MGAT5: variants seen among roughly 807,000 people sequenced by gnomAD.
MGAT5 encodes alpha-1,6-mannosylglycoprotein 6-beta-N-acetylglucosaminyltransferase A.
In MGAT5, 30 loss-of-function variants were observed where a neutral mutation model predicts 94.3. The ratio of observed to expected loss-of-function variants is 0.32; its 90% CI spans 0.24 to 0.43. The LOEUF is 0.43. Among genes scored for constraint, MGAT5 ranks in the 20% least tolerant of loss-of-function variants. The probability of loss-of-function intolerance (pLI) is 1.00; values close to 1 mark genes in which losing one functional copy is unlikely to be tolerated. For synonymous variants in MGAT5, 310 were observed against 322.9 expected, an observed-to-expected ratio of 0.96 and a Z score of 0.43; for missense variants, 691 against 905.5, an observed-to-expected ratio of 0.76 and a Z score of 3.04.
chr2:134,123,154 C>A (rs1385488378), intron 1 of MGAT5, among the ~76,000 whole-genome samples: 1 of 152,148 alleles, frequency 6.6e-6, no homozygotes, highest in East Asian at 1.9e-4. Context: ...TTAAAATAAG[C>A]AACTTACCTT....
chr2:134,428,263 C>T (rs1684695832), intron 13 of MGAT5, 102 bp from the exon 14 acceptor site: 1 of 1,055,478 alleles, frequency 9.5e-7, no homozygotes, highest in African/African-American at 1.6e-5. Flanking sequence ...ATGAGGCCGA[C>T]TCCTGGTGTT....
At chr2:134,304,756 G>GT (rs1686229659) in intron 2 of MGAT5, among the ~76,000 whole-genome samples, 1 of 152,130 alleles carries the variant, frequency 6.6e-6, no homozygotes, top group African/African-American at 2.4e-5. Context: ...CTGATTTTTT[G>GT]TTTTTTAACA....
chr2:134,415,202 A>G (rs1683898515), intron 12 of MGAT5, among the ~76,000 whole-genome samples: 1 of 152,072 alleles, frequency 6.6e-6, no homozygotes, highest in Admixed American at 6.5e-5. Flanking sequence ...TTTCTTTTTC[A>G]TTTATGGCTG....
chr2:134,384,340 T>C (rs1681833407), intron 10 of MGAT5, among the ~76,000 whole-genome samples: 1 of 152,110 alleles, frequency 6.6e-6, no homozygotes, highest in Admixed American at 6.5e-5. Context: ...CTGTCCACTA[T>C]CCTTTTTGAT....
chr2:134,180,962 CCT>C (rs780631842), intron 1 of MGAT5, among the ~76,000 whole-genome samples: 22 of 152,258 alleles, frequency 1.4e-4, no homozygotes, highest in Admixed American at 8.5e-4. Context: ...TCAGCGATAC[CCT>C]GTCTCGCCTA....
chr2:134,144,867 G>C (rs965172279), intron 1 of MGAT5, among the ~76,000 whole-genome samples: 1 of 152,148 alleles, frequency 6.6e-6, no homozygotes, highest in African/African-American at 2.4e-5. Flanking sequence ...CGGGCCTTAT[G>C]GCTTGTGGAA....
At position 134,429,379 on chromosome 2, in the gene MGAT5, T is replaced by C. The variant is rs567421613; in HGVS notation, c.1869+940T>C. 1.1e-3 allele frequency among the ~76,000 whole-genome samples: 174 copies of C among 152,308 alleles called. 1 individual carries two copies. Among genetic ancestry groups the C allele is most frequent in the South Asian group, 2.3e-3 (11 of 4,820 alleles). ...GTCATATACTTCGGGGTGGTGTGTC[T>C]GATATGCTGAGCTTTTGTTAGCAGC... On this transcript the variant is annotated intron_variant, in intron 14 of 15. Coordinates refer to ENST00000281923, the MANE Select transcript of MGAT5 (RefSeq NM_002410.5).
chr2:134,365,595 C>T (rs1392236257), intron 10 of MGAT5, among the ~76,000 whole-genome samples: 1 of 152,084 alleles, frequency 6.6e-6, no homozygotes, highest in Admixed American at 6.5e-5. Flanking sequence ...TGCATTCCTC[C>T]ACAAGGAGAG....
At chr2:134,331,491 T>A (rs1425938279) in intron 4 of MGAT5, among the ~76,000 whole-genome samples, 1 of 152,154 alleles carries the variant, frequency 6.6e-6, no homozygotes, top group Non-Finnish European at 1.5e-5. Context: ...CAGACAGTTT[T>A]AATTTCTTAG....
intron 1 of MGAT5, among the ~76,000 whole-genome samples, chr2:134,161,564 T>C (rs1687734119): frequency 6.6e-6 from 1 of 152,164 alleles, no homozygotes. Context: ...CTCAGGATTG[T>C]CTTCTGCTCT....
intron 1 of MGAT5, among the ~76,000 whole-genome samples, chr2:134,224,418 C>A (rs191894991): frequency 6.6e-6 from 1 of 152,134 alleles, no homozygotes; most frequent in Admixed American, 6.5e-5. Context: ...CAATGAAACA[C>A]CTAAAATGTT....
chr2:134,345,968 G>T (rs1224099795), intron 8 of MGAT5, among the ~76,000 whole-genome samples: 1 of 151,968 alleles, frequency 6.6e-6, no homozygotes, highest in Non-Finnish European at 1.5e-5. Flanking sequence ...ATTTTAAAAG[G>T]TGAATAAACT....
At chr2:134,339,328 T>C (rs112970235) in intron 6 of MGAT5, among the ~76,000 whole-genome samples, 56 of 152,270 alleles carry the variant, frequency 3.7e-4, no homozygotes, top group African/African-American at 1.3e-3. Context: ...GATATATTGT[T>C]AGGTGAAGAA....
At chr2:134,233,409 C>T (rs1681469007) in intron 1 of MGAT5, among the ~76,000 whole-genome samples, 1 of 152,176 alleles carries the variant, frequency 6.6e-6, no homozygotes, top group South Asian at 2.1e-4. Context: ...TTTGCTTCCT[C>T]ATCAAAACTG....
chr2:134,131,646 C>G (rs766983376), intron 1 of MGAT5, among the ~76,000 whole-genome samples: 7 of 138,608 alleles, frequency 5.1e-5, no homozygotes, highest in Non-Finnish European at 1.1e-4. Flanking sequence ...CCTGTATCCA[C>G]TATCCACACT....
intron 1 of MGAT5, among the ~76,000 whole-genome samples, chr2:134,168,669 A>G (rs1182631415): frequency 2.6e-5 from 4 of 152,218 alleles, no homozygotes; most frequent in Non-Finnish European, 5.9e-5. Context: ...CTTAAAGTTT[A>G]TAAATGTGGT....
intron 14 of MGAT5, among the ~76,000 whole-genome samples, chr2:134,436,742 G>T (rs1000356574): frequency 2.6e-5 from 4 of 152,150 alleles, no homozygotes; most frequent in Non-Finnish European, 4.4e-5. Context: ...CTAACAGGTG[G>T]AAAAGGAGCA....
rs144609034 is a variant in MGAT5, at chr2:134,345,418, G to A, written c.1112+354G>A. Among the ~76,000 whole-genome samples the A allele has an allele frequency of 3.5e-4, 54 of 152,150 alleles. 1 individual carries two copies. The highest frequency in any genetic ancestry group is 1.3e-3 in the African/African-American group (53 of 41,532). ...TTCCGTGGGTTTTAGATCATGATTC[G>A]CTTTTCTTACCCTTTACCTCATCAG... is the stretch of plus-strand genomic sequence containing the variant. On this transcript the variant is annotated intron_variant, in intron 8 of 15. Coordinates refer to ENST00000281923, the MANE Select transcript of MGAT5 (RefSeq NM_002410.5).
chr2:134,248,732 GC>G (rs752530588), intron 1 of MGAT5, among the ~76,000 whole-genome samples: 31 of 152,146 alleles, frequency 2.0e-4, no homozygotes, highest in Admixed American at 3.3e-4. Flanking sequence ...GTCCTGCAGG[GC>G]TATTTGAAGA....
Sources: allele counts gnomAD v4.1 joint callset (sites outside exome capture counted in the v4.1 genomes callset), GRCh38; gene constraint gnomAD v4.1.1; transcripts MANE v1.5; gene names NCBI Gene and HGNC (gene_info 2026-07-23, HGNC 2026-07-21).